The following KCNC4 variants were observed in gnomAD, a reference collection of about 807,000 sequenced individuals.
KCNC4 encodes potassium voltage-gated channel subfamily C member 4.
Under a neutral mutation model 42.8 loss-of-function variants are expected in KCNC4, and 23 were observed. The observed-to-expected ratio is 0.54, with a 90% CI of 0.39 to 0.76. The LOEUF (loss-of-function observed/expected upper bound fraction) is 0.76. KCNC4 is among the 30% of genes least tolerant of loss of function. KCNC4 has a pLI of 0.00. For synonymous variants in KCNC4, 422 were observed against 393.5 expected, an observed-to-expected ratio of 1.07 and a Z score of -0.86; for missense variants, 751 against 898.2, an observed-to-expected ratio of 0.84 and a Z score of 2.10.
downstream of KCNC4, chr1:110,238,394 A>G (rs751228402): frequency 6.6e-6 from 1 of 152,256 alleles, no homozygotes. Context: ...CTCTCCTCAC[A>G]TACTCTTTCC....
rs72972922 is a variant in KCNC4, at chr1:110,279,134, T to C, written n.31-3400T>C. On this transcript the variant is annotated intron_variant and non_coding_transcript_variant, in intron 1 of 2. Coordinates refer to the KCNC4 transcript ENST00000412512. ...AGGAAAGGCTTGATGTGCATATCAG[T>C]GGAACATCTGTGCCACTTCTCTTTC... is the stretch of plus-strand genomic sequence containing the variant. Among the ~76,000 whole-genome samples the C allele has an allele frequency of 2.3e-3, 351 of 152,268 alleles. 2 individuals are homozygous for C. The highest frequency in any genetic ancestry group is 7.9e-3 in the African/African-American group (328 of 41,532).
At chr1:110,242,229 T>C (rs1659046113) in exon 4 of KCNC4, 1 of 147,124 alleles carries the variant, frequency 6.8e-6, no homozygotes, top group Non-Finnish European at 1.5e-5. Flanking sequence ...TAGCTTCAAT[T>C]TACATCACAG....
intron 1 of KCNC4, among the ~76,000 whole-genome samples, chr1:110,279,814 T>G (rs1385475272): frequency 6.7e-6 from 1 of 148,190 alleles, no homozygotes; most frequent in Non-Finnish European, 1.5e-5. Context: ...TTTTTTTTTT[T>G]TTGAGATGGA....
intron 1 of KCNC4, among the ~76,000 whole-genome samples, chr1:110,261,944 A>T: frequency 6.6e-6 from 1 of 152,264 alleles, no homozygotes; most frequent in East Asian, 1.9e-4. Context: ...TTATCTTTTA[A>T]AAATTGATGA....
chr1:110,232,864 C>A (rs374068238), intron 3 of KCNC4, 47 bp from the exon 4 acceptor site: 1 of 1,577,062 alleles, frequency 6.3e-7, no homozygotes, highest in South Asian at 1.2e-5. Flanking sequence ...AATGTTGAGC[C>A]GAAAGCGTGC....
At chr1:110,213,500 G>C (rs976337800) in intron 1 of KCNC4, among the ~76,000 whole-genome samples, 5 of 152,208 alleles carry the variant, frequency 3.3e-5, no homozygotes, top group Non-Finnish European at 5.9e-5. Flanking sequence ...GCAGGGAAAA[G>C]CCAGGCTGGC....
exon 4 of KCNC4, chr1:110,248,703 T>G (rs1397951305): frequency 1.3e-5 from 2 of 152,256 alleles, no homozygotes; most frequent in Non-Finnish European, 2.9e-5. Context: ...GACTTGTGTT[T>G]CTAACTTTTT....
chr1:110,251,802 GACA>G (rs1316466162), downstream of KCNC4, among the ~76,000 whole-genome samples: 1 of 152,224 alleles, frequency 6.6e-6, no homozygotes, highest in African/African-American at 2.4e-5. Flanking sequence ...TGCAGGCAAA[GACA>G]ACAAGGCACA....
downstream of KCNC4, among the ~76,000 whole-genome samples, chr1:110,252,371 T>A (rs1409580348): frequency 6.6e-6 from 1 of 152,246 alleles, no homozygotes; most frequent in Non-Finnish European, 1.5e-5. Context: ...TGGTTACAGC[T>A]GTTAAATTGG....
At chr1:110,220,085 A>G (rs941352049) in intron 1 of KCNC4, 1 of 152,240 alleles carries the variant, frequency 6.6e-6, no homozygotes, top group African/African-American at 2.4e-5. Context: ...AGAGGGGCCA[A>G]TTGGAAAGAG....
At chr1:110,224,701 A>T (rs1168396996) in intron 2 of KCNC4, 1 of 152,278 alleles carries the variant, frequency 6.6e-6, no homozygotes. Flanking sequence ...TCCGCCCCTG[A>T]ATCAGGAGTT....
chr1:110,257,720 C>CAAAAAAA (rs56333861), intron 1 of KCNC4, among the ~76,000 whole-genome samples: 1,459 of 90,782 alleles, frequency 0.016, 105 homozygotes, highest in Non-Finnish European at 0.022. Context: ...GACTCCGTCT[C>CAAAAAAA]AAAAAAAAAA....
rs769233932 is a variant in KCNC4, at chr1:110,223,841, C to T, written c.1556C>T (p.Thr519Ile). 1.7e-5 allele frequency: 28 copies of T among 1,610,010 alleles called. No homozygotes were observed. Among genetic ancestry groups the T allele is most frequent in the Admixed American group, 6.7e-5 (4 of 59,922 alleles). Reference sequence around the variant, plus strand: ...GAGGAGACTTCCCCCCGGGACAGCACCTGCAGTGATACCAGCCCCCCTGCC... The same window carrying T: ...GAGGAGACTTCCCCCCGGGACAGCATCTGCAGTGATACCAGCCCCCCTGCC... ...KSEETSPRDS[T>I]CSDTSPPARE... Residue 519 changes from threonine (T) to isoleucine (I), a missense_variant, in exon 2 of 4, where the codon ACC (threonine) becomes ATC (isoleucine). By Grantham distance (89) the Thr-to-Ile change is moderately conservative. This residue lies in a region of KCNC4 where 202 missense variants were observed against 181.5 expected (regional missense o/e 1.11). Coordinates refer to ENST00000438661, the MANE Select transcript of KCNC4 (RefSeq NM_001039574.3). This position sits in a 1 kb window ranked among gnomAD's most constrained non-coding sequence, Gnocchi z 7.5.
intron 3 of KCNC4, chr1:110,229,265 G>A (rs1396898686): frequency 6.6e-6 from 1 of 152,304 alleles, no homozygotes; most frequent in Admixed American, 6.5e-5. Flanking sequence ...CAGTGCCTAT[G>A]GGCAGTGCTG....
chr1:110,241,079 A>T (rs1462594537), exon 4 of KCNC4: 2 of 152,324 alleles, frequency 1.3e-5, no homozygotes, highest in Non-Finnish European at 2.9e-5. Context: ...GGGAGGTAAG[A>T]AGGCTCCAGT....
At chr1:110,229,072 C>T in intron 3 of KCNC4, 1 of 152,390 alleles carries the variant, frequency 6.6e-6, no homozygotes, top group Non-Finnish European at 1.5e-5. Flanking sequence ...TGTTGGGGAG[C>T]CACGCCTATG....
intron 1 of KCNC4, 140 bp downstream of exon 1, chr1:110,212,317 C>G: frequency 2.2e-6 from 2 of 906,460 alleles, no homozygotes; most frequent in Non-Finnish European, 1.5e-6. Flanking sequence ...CTCTCAACCC[C>G]CCTCCGTGGC....
At chr1:110,224,264 T>C in intron 2 of KCNC4, 1 of 218,944 alleles carries the variant, frequency 4.6e-6, no homozygotes, top group South Asian at 1.3e-4. Context: ...AATAATATCA[T>C]ATCCTACCCT....
At chr1:110,274,213 C>A (rs1245717051) in intron 1 of KCNC4, among the ~76,000 whole-genome samples, 6 of 151,992 alleles carry the variant, frequency 3.9e-5, no homozygotes, top group Non-Finnish European at 7.4e-5. Flanking sequence ...AGCTGAGAAG[C>A]AAATCCAGAA....
Sources: gnomAD v4.1 joint callset for allele counts (sites outside exome capture counted in the v4.1 genomes callset) on GRCh38, gnomAD v4.1.1 for gene constraint, gnomAD v4.1.1 regional missense constraint, Gnocchi (gnomAD v3.1) non-coding constraint, MANE v1.5 for transcripts, NCBI Gene and HGNC (gene_info 2026-07-23, HGNC 2026-07-21) for gene names.